Variants in MTHFD1 observed in about 807,000 individuals in gnomAD.
The protein encoded by MTHFD1 is methylenetetrahydrofolate dehydrogenase, cyclohydrolase and formyltetrahydrofolate synthetase 1, also known as C-1-tetrahydrofolate synthase, cytoplasmic.
MTHFD1 carries 44 observed loss-of-function variants against 110.3 expected under a neutral mutation model. That is an observed-to-expected ratio of 0.40 (90% confidence interval 0.31 to 0.51). MTHFD1 has a LOEUF of 0.51. Ranked by LOEUF, MTHFD1 falls within the 20% of genes least tolerant of loss-of-function variation. The probability of loss-of-function intolerance (pLI) is 0.60; values close to 1 mark genes in which losing one functional copy is unlikely to be tolerated. For synonymous variants in MTHFD1, 402 were observed against 428.8 expected (o/e 0.94, Z 0.77); for missense variants, 909 against 1,173.1 (o/e 0.77, Z 3.29).
chr14:64,447,297 A>T (rs1025095510), intron 22 of MTHFD1, among the ~76,000 whole-genome samples: 7 of 151,362 alleles, frequency 4.6e-5, no homozygotes, highest in Non-Finnish European at 8.8e-5. Flanking sequence ...CTGGGACTAC[A>T]GGTTCCTGCC....
chr14:64,454,157 GGCTAGAGTGCAGTGGCACAATTTCAGC>G (rs1336731067), intron 25 of MTHFD1, among the ~76,000 whole-genome samples: 2 of 152,192 alleles, frequency 1.3e-5, no homozygotes, highest in African/African-American at 4.8e-5. Context: ...CCATTGCCCA[GGCTAGAGTGCAGTGGCACAATTTCAGC>G]TCACTGCAGC....
chr14:64,391,460 C>A lies in MTHFD1; in HGVS notation c.41+2992C>A, dbSNP rs1243997805. Among the ~76,000 whole-genome samples, 3 of 152,328 alleles carry A rather than the reference C, an allele frequency of 2.0e-5. No individual in the cohort carries two copies. The East Asian group carries it at 5.8e-4, about 29-fold the overall frequency. ...GATTACAGGTGTGAGCCACTGCGCC[C>A]CCGCTGGCGCTTTGCTTTTTCTTTA... On this transcript the variant is annotated intron_variant, in intron 1 of 27. Coordinates refer to ENST00000652337, the MANE Select transcript of MTHFD1 (RefSeq NM_005956.4).
In MTHFD1 at chr14:64,388,603, C is replaced by T. The variant is rs1016274375; in HGVS notation, c.41+135C>T. ...TAGGCCCATAACACCTGAAGACCTGCAGCCAAAGAAAGAGAACCCGGGCAC... is the reference window on the plus strand; with the variant it reads ...TAGGCCCATAACACCTGAAGACCTGTAGCCAAAGAAAGAGAACCCGGGCAC... On this transcript the variant is annotated intron_variant, in intron 1 of 27. Transcript: ENST00000652337. 4.9e-6 allele frequency: 4 copies of T among 817,290 alleles called. No homozygotes were observed. In the Admixed American group the frequency reaches 6.0e-5, roughly 12 times the overall value. 50.6% of individuals were successfully genotyped at this position (817,290 alleles called of 1,614,324 possible). A position where few individuals can be genotyped will look rare whatever the true frequency, so the allele number is the denominator to read the frequency against.
intron 13 of MTHFD1, 30 bp downstream of exon 13, chr14:64,430,260 G>C (rs752810274): frequency 3.7e-6 from 6 of 1,606,746 alleles, no homozygotes; most frequent in South Asian, 3.3e-5. Flanking sequence ...GGCTGAATTA[G>C]ATCCCCCTTT....
intron 26 of MTHFD1, chr14:64,457,930 G>T (rs545835529): frequency 1.5e-5 from 8 of 536,546 alleles, no homozygotes; most frequent in Non-Finnish European, 2.7e-5. Context: ...ACATGGCCTT[G>T]CTCTGTCGCC....
At chr14:64,415,867 A>G (rs1469677345) in intron 6 of MTHFD1, 128 bp downstream of exon 6, 3 of 896,694 alleles carry the variant, frequency 3.3e-6, no homozygotes, top group East Asian at 2.6e-5. Flanking sequence ...GGGCCTGTCT[A>G]CTAAGGATGT....
In MTHFD1 at chr14:64,417,565, C is replaced by A. The variant is rs2078034007; in HGVS notation, c.479-323C>A. Among the ~76,000 whole-genome samples, 2 of 152,166 alleles carry A rather than the reference C, an allele frequency of 1.3e-5. No individual in the cohort carries two copies. The highest frequency in any genetic ancestry group is 4.8e-5 in the African/African-American group (2 of 41,428). On this transcript the variant is annotated intron_variant, in intron 6 of 27. Transcript: ENST00000652337. This position sits in a 1 kb window ranked among gnomAD's most constrained non-coding sequence, Gnocchi z 4.4. ...ATGTAATTTAATCTGATGTCTTCTT[C>A]CGTATGGCTGATTAGCTGTATGTCA...
rs141432866 is a variant in MTHFD1, at chr14:64,413,900, G to C, written c.240+1375G>C. ...GCTGCAGCACAGTGGTGTGATCATA[G>C]CTCATTGTAGCCTCAACCTCCTAAG... On this transcript the variant is annotated intron_variant, in intron 4 of 27. Transcript: ENST00000652337. Among the ~76,000 whole-genome samples the C allele has an allele frequency of 4.1e-3, 632 of 152,326 alleles. 2 individuals carry two copies. The highest frequency in any genetic ancestry group is 0.015 in the African/African-American group (604 of 41,568).
At chr14:64,441,059 G>T (rs896615101) in intron 18 of MTHFD1, 1 of 355,070 alleles carries the variant, frequency 2.8e-6, no homozygotes, top group Non-Finnish European at 5.5e-6. Flanking sequence ...GGGCATAGTG[G>T]CGGGTGCCTG....
chr14:64,459,738 ATTTC>A lies in MTHFD1; in HGVS notation c.*5-18_*5-15del. 3.3e-6 allele frequency: 5 copies of A among 1,526,126 alleles called. No homozygotes were observed. The allele number at this position is 1,526,126 out of a possible 1,614,324, so 94.5% of individuals were successfully genotyped here. On this transcript the variant is annotated splice_polypyrimidine_tract_variant and intron_variant, in intron 27 of 27. Transcript: ENST00000652337. Reference sequence around the variant, plus strand: ...CAGTGCTTGCTTAGAGAAAACATTTATTTCTTGTTTTTCCTTCCAGATCACCATC... The same window carrying A: ...CAGTGCTTGCTTAGAGAAAACATTTATTGTTTTTCCTTCCAGATCACCATC...
intron 24 of MTHFD1, among the ~76,000 whole-genome samples, chr14:64,453,448 A>G (rs909040275): frequency 5.9e-5 from 9 of 152,052 alleles, no homozygotes; most frequent in Non-Finnish European, 1.0e-4. Flanking sequence ...GCGCATGCCT[A>G]TAATCCCAGC....
chr14:64,445,894 C>T (rs757574948), intron 22 of MTHFD1, among the ~76,000 whole-genome samples: 2 of 152,212 alleles, frequency 1.3e-5, no homozygotes, highest in South Asian at 4.1e-4. Flanking sequence ...TAGCAGTGTT[C>T]TTTAGAAGCT....
At chr14:64,433,714 ATTT>A (rs1170650639) in intron 15 of MTHFD1, among the ~76,000 whole-genome samples, 3 of 129,058 alleles carry the variant, frequency 2.3e-5, no homozygotes, top group Non-Finnish European at 1.6e-5. Context: ...TGAGCTCAGC[ATTT>A]TTTTTTTTTT....
intron 6 of MTHFD1, 31 bp downstream of exon 6, chr14:64,415,770 C>T: frequency 6.2e-7 from 1 of 1,606,792 alleles, no homozygotes; most frequent in Non-Finnish European, 8.5e-7. Context: ...AACAAGAAAG[C>T]ACCATTTCCT....
intron 2 of MTHFD1, among the ~76,000 whole-genome samples, chr14:64,405,920 G>A (rs2077932075): frequency 6.6e-6 from 1 of 151,774 alleles, no homozygotes; most frequent in Non-Finnish European, 1.5e-5. Context: ...ACATAGGGAT[G>A]AGATCCAATT....
intron 2 of MTHFD1, among the ~76,000 whole-genome samples, chr14:64,406,011 GTA>G (rs771415925): frequency 7.5e-4 from 111 of 147,274 alleles, no homozygotes; most frequent in African/African-American, 2.3e-3. Flanking sequence ...GTGTGTGTGT[GTA>G]TATATATATA....
chr14:64,395,205 A>T (rs535384820), intron 1 of MTHFD1, among the ~76,000 whole-genome samples: 1 of 152,360 alleles, frequency 6.6e-6, no homozygotes, highest in Non-Finnish European at 1.5e-5. Context: ...CTAGAGGCCA[A>T]ATGTTTTTTG....
intron 1 of MTHFD1, chr14:64,390,616 TG>T (rs2140938669): frequency 6.5e-6 from 1 of 153,098 alleles, no homozygotes; most frequent in South Asian, 2.1e-4. Flanking sequence ...CCCAAGTAGC[TG>T]GGATTACAGG....
intron 4 of MTHFD1, among the ~76,000 whole-genome samples, chr14:64,414,286 C>CTTTTTTTTTTTTTTTTTTTTTT (rs3062425): frequency 2.3e-5 from 2 of 86,454 alleles, no homozygotes; most frequent in African/African-American, 9.7e-5. Flanking sequence ...CCTGTCCCCG[C>CTTTTTTTTTTTTTTTTTTTTTT]TTTTTTTTTT....
Sources: gnomAD v4.1 joint callset for allele counts (sites outside exome capture counted in the v4.1 genomes callset) on GRCh38, gnomAD v4.1.1 for gene constraint, Gnocchi (gnomAD v3.1) non-coding constraint, MANE v1.5 for transcripts, NCBI Gene and HGNC (gene_info 2026-07-23, HGNC 2026-07-21) for gene names.